SLIT3: variants seen among roughly 807,000 people sequenced by gnomAD.
SLIT3 encodes the protein slit guidance ligand 3, also known as slit homolog 3 protein.
In SLIT3, 68 loss-of-function variants were observed where a neutral mutation model predicts 184.0. The ratio of observed to expected loss-of-function variants is 0.37; its 90% CI spans 0.30 to 0.45. SLIT3 has a LOEUF of 0.45. Ranked by LOEUF, SLIT3 falls within the 20% of genes least tolerant of loss-of-function variation. The probability of loss-of-function intolerance (pLI) is 1.00; values close to 1 mark genes in which losing one functional copy is unlikely to be tolerated. For synonymous variants in SLIT3, 831 were observed against 828.6 expected, an observed-to-expected ratio of 1.00 and a Z score of -0.05; for missense variants, 1,707 against 2,026.0, an observed-to-expected ratio of 0.84 and a Z score of 3.02.
At chr5:168,870,286 G>GTTT (rs1581163199) in intron 5 of SLIT3, among the ~76,000 whole-genome samples, 4 of 152,306 alleles carry the variant, frequency 2.6e-5, no homozygotes, top group South Asian at 4.1e-4. Flanking sequence ...TAGTTTATCT[G>GTTT]GGGCTACAAG....
intron 4 of SLIT3, among the ~76,000 whole-genome samples, chr5:169,152,483 C>T (rs1473330624): frequency 6.6e-6 from 1 of 152,218 alleles, no homozygotes; most frequent in Non-Finnish European, 1.5e-5. Flanking sequence ...GAACTAATCT[C>T]TTCCAGCTCT....
chr5:169,132,095 G>T (rs1376821641), intron 4 of SLIT3, among the ~76,000 whole-genome samples: 1 of 152,140 alleles, frequency 6.6e-6, no homozygotes, highest in African/African-American at 2.4e-5. Flanking sequence ...CACTATAGTT[G>T]TACACATTCC....
chr5:168,773,064 G>C, intron 13 of SLIT3, 120 bp from the exon 14 acceptor site: 1 of 1,014,798 alleles, frequency 9.9e-7, no homozygotes, highest in Non-Finnish European at 1.4e-6. Flanking sequence ...CTGCCTCATC[G>C]CCCCAGGAAG....
At chr5:169,069,787 A>G (rs1168622925) in intron 4 of SLIT3, among the ~76,000 whole-genome samples, 1 of 152,088 alleles carries the variant, frequency 6.6e-6, no homozygotes, top group Non-Finnish European at 1.5e-5. Context: ...AATATGAAGC[A>G]AATGGAGTGT....
chr5:168,975,803 G>A (rs541008717), intron 4 of SLIT3, among the ~76,000 whole-genome samples: 1 of 152,122 alleles, frequency 6.6e-6, no homozygotes, highest in Admixed American at 6.5e-5. Flanking sequence ...CAATTTAACT[G>A]TGCCCAATCC....
chr5:168,844,872 G>A, intron 5 of SLIT3: 1 of 485,728 alleles, frequency 2.1e-6, no homozygotes, highest in African/African-American at 2.0e-5. Context: ...AAGGCTGTCA[G>A]GTCTCAGTAA....
chr5:169,196,769 A>C (rs992972238), intron 3 of SLIT3, among the ~76,000 whole-genome samples: 1 of 151,718 alleles, frequency 6.6e-6, no homozygotes, highest in Non-Finnish European at 1.5e-5. Flanking sequence ...CCCTTTCTTA[A>C]TTTTTCTGTT....
intron 6 of SLIT3, among the ~76,000 whole-genome samples, chr5:168,827,400 G>A (rs1488624223): frequency 2.6e-5 from 4 of 152,128 alleles, no homozygotes; most frequent in East Asian, 1.9e-4. Flanking sequence ...GCTTCATTGC[G>A]TCACTTCAAC....
chr5:169,131,942 C>T (rs1357394939), intron 4 of SLIT3, among the ~76,000 whole-genome samples: 1 of 152,196 alleles, frequency 6.6e-6, no homozygotes, highest in South Asian at 2.1e-4. Flanking sequence ...TAGCAGCTGT[C>T]TTGCAAACCT....
At chr5:169,132,874 C>T (rs560069465) in intron 4 of SLIT3, among the ~76,000 whole-genome samples, 2 of 152,224 alleles carry the variant, frequency 1.3e-5, no homozygotes, top group African/African-American at 2.4e-5. Context: ...TGGGCATTTG[C>T]TATATTTTGA....
chr5:169,179,902 GTAAC>G (rs1763103585), intron 4 of SLIT3, among the ~76,000 whole-genome samples: 1 of 152,136 alleles, frequency 6.6e-6, no homozygotes, highest in South Asian at 2.1e-4. Context: ...GCAGTGGTAG[GTAAC>G]TGACTGTAGA....
chr5:168,965,181 G>A (rs57106063), intron 4 of SLIT3, among the ~76,000 whole-genome samples: 5,982 of 152,262 alleles, frequency 0.039, 157 homozygotes, highest in Middle Eastern at 0.065. Context: ...TTCATTTAGG[G>A]TACTGTACTA....
chr5:168,747,883 C>G (rs1467167428), intron 20 of SLIT3, among the ~76,000 whole-genome samples: 2 of 152,114 alleles, frequency 1.3e-5, no homozygotes, highest in African/African-American at 2.4e-5. Context: ...CTTTGTAAGC[C>G]ACGGTGCCCG....
chr5:168,999,526 C>T (rs1410287074), intron 4 of SLIT3, among the ~76,000 whole-genome samples: 1 of 152,092 alleles, frequency 6.6e-6, no homozygotes, highest in East Asian at 1.9e-4. Context: ...CCATGTGAAG[C>T]AGGCAGATGG....
intron 11 of SLIT3, among the ~76,000 whole-genome samples, chr5:168,787,980 C>T (rs557397993): frequency 2.0e-3 from 300 of 149,902 alleles, no homozygotes; most frequent in African/African-American, 7.2e-3. Flanking sequence ...ATGAATAAAT[C>T]GGGAGTGAGA....
chr5:168,943,519 A>G (rs1762384069), intron 4 of SLIT3, among the ~76,000 whole-genome samples: 1 of 152,210 alleles, frequency 6.6e-6, no homozygotes, highest in East Asian at 1.9e-4. Flanking sequence ...TTCTGGGACA[A>G]TCTAGCTGGG....
At chr5:168,894,303 G>A (rs997445178) in intron 4 of SLIT3, among the ~76,000 whole-genome samples, 3 of 152,180 alleles carry the variant, frequency 2.0e-5, no homozygotes, top group Non-Finnish European at 2.9e-5. Flanking sequence ...TATTAGCTTC[G>A]TGTAGGCAGG....
In SLIT3 at chr5:168,697,816, CCAGA is replaced by C. The variant is rs766078892; in HGVS notation, c.2943-1389_2943-1386del. Among the ~76,000 whole-genome samples the C allele has an allele frequency of 4.6e-5, 7 of 152,314 alleles. No homozygotes were observed. The East Asian group carries it at 1.2e-3, about 25-fold the overall frequency. ...CATGAAAAAGGCTACTTCTTCAGAG[CCAGA>C]CAGAGGGTAGGTTTCTGAAAGTCCT... On this transcript the variant is annotated intron_variant, in intron 27 of 35. Coordinates refer to ENST00000519560, the MANE Select transcript of SLIT3 (RefSeq NM_003062.4).
In SLIT3 at chr5:168,713,651, G is replaced by T. The variant is rs191248086; in HGVS notation, c.2484-1297C>A. ...AAGTACAGATGGAATAATAACGAAT[G>T]AATTTGCTCTTCTTCTCCCTTCAAC... On this transcript the variant is annotated intron_variant, in intron 23 of 35. Coordinates refer to ENST00000519560, the MANE Select transcript of SLIT3 (RefSeq NM_003062.4). 1.5e-4 allele frequency among the ~76,000 whole-genome samples: 23 copies of T among 152,304 alleles called. No homozygotes were observed. The East Asian group carries it at 4.2e-3, about 28-fold the overall frequency.
Sources: allele counts gnomAD v4.1 joint callset (sites outside exome capture counted in the v4.1 genomes callset), GRCh38; gene constraint gnomAD v4.1.1; transcripts MANE v1.5; gene names NCBI Gene and HGNC (gene_info 2026-07-23, HGNC 2026-07-21).